RECK: variants seen among roughly 807,000 people sequenced by gnomAD.
The protein encoded by RECK is reversion-inducing cysteine-rich protein with Kazal motifs.
In RECK, 69 loss-of-function variants were observed where a neutral mutation model predicts 115.1. The observed-to-expected ratio is 0.60, with a 90% CI of 0.49 to 0.73. RECK has a LOEUF of 0.73. Among genes scored for constraint, RECK ranks in the 30% least tolerant of loss-of-function variants. The pLI, the probability that RECK is intolerant of heterozygous loss-of-function variation, is 0.00. For synonymous variants in RECK, 414 were observed against 419.7 expected (o/e 0.99, Z 0.17); for missense variants, 1,047 against 1,203.7 (o/e 0.87, Z 1.93).
At chr9:36,104,292 G>GTGCACA (rs34438663) in intron 12 of RECK, among the ~76,000 whole-genome samples, 1 of 43,884 alleles carries the variant, frequency 2.3e-5, no homozygotes, top group South Asian at 1.0e-3. Context: ...GTGTGTGTGT[G>GTGCACA]TATATATATA....
intron 4 of RECK, among the ~76,000 whole-genome samples, chr9:36,060,651 G>A (rs1354016049): frequency 6.6e-6 from 1 of 151,180 alleles, no homozygotes; most frequent in African/African-American, 2.4e-5. Flanking sequence ...ATTCTGCCTT[G>A]CCTTTTTTTT....
chr9:36,046,438 T>G (rs1821075743), intron 1 of RECK, among the ~76,000 whole-genome samples: 2 of 152,230 alleles, frequency 1.3e-5, no homozygotes, highest in Admixed American at 1.3e-4. Context: ...ACGTTAAAGA[T>G]TCTAATAAGC....
chr9:36,087,659 C>T (rs764351154), intron 8 of RECK, 35 bp from the exon 9 acceptor site: 2 of 1,587,222 alleles, frequency 1.3e-6, no homozygotes, highest in Non-Finnish European at 8.6e-7. Flanking sequence ...ACAAAAAAAA[C>T]AGCTAATTAA....
chr9:36,054,155 G>A (rs1821422271), intron 2 of RECK, among the ~76,000 whole-genome samples: 1 of 152,202 alleles, frequency 6.6e-6, no homozygotes, highest in Admixed American at 6.5e-5. Context: ...TGCTGTGAGT[G>A]AGGAATCATT....
In RECK at chr9:36,123,714, G is replaced by A. The variant is rs1824543440; in HGVS notation, c.*669G>A. Reference sequence around the variant, plus strand: ...ACAGGCTCACTGGTCACGGATTTGTGTCTGTGACTTTTGTGAAAGGGAGAA... The same window carrying A: ...ACAGGCTCACTGGTCACGGATTTGTATCTGTGACTTTTGTGAAAGGGAGAA... On this transcript the variant is annotated 3_prime_UTR_variant, in exon 21 of 21. Coordinates refer to ENST00000377966, the MANE Select transcript of RECK (RefSeq NM_021111.3). 1 of 152,174 alleles carries A rather than the reference G, an allele frequency of 6.6e-6. No individual in the cohort carries two copies. Among genetic ancestry groups the A allele is most frequent in the Admixed American group, 6.5e-5 (1 of 15,280 alleles). The allele number at this position is 152,174 out of a possible 1,614,324, so 9.4% of individuals were successfully genotyped here.
intron 18 of RECK, 78 bp from the exon 19 acceptor site, chr9:36,120,585 G>T: frequency 8.4e-7 from 1 of 1,187,762 alleles, no homozygotes; most frequent in Non-Finnish European, 1.2e-6. Flanking sequence ...AAAATGAAGG[G>T]CTGGACATTT....
chr9:36,083,218 A>G (rs1352466580), intron 7 of RECK, 147 bp from the exon 8 acceptor site: 6 of 756,422 alleles, frequency 7.9e-6, no homozygotes, highest in Non-Finnish European at 4.3e-6. Flanking sequence ...GTATACCTAC[A>G]GAAGTGCCGA....
At chr9:36,060,878 A>G (rs1312227778) in intron 4 of RECK, among the ~76,000 whole-genome samples, 1 of 152,146 alleles carries the variant, frequency 6.6e-6, no homozygotes, top group Non-Finnish European at 1.5e-5. Flanking sequence ...TCTGAAGCAC[A>G]AATCCAAAAT....
At chr9:36,069,480 C>CAAAA (rs60192603) in intron 6 of RECK, among the ~76,000 whole-genome samples, 9 of 84,898 alleles carry the variant, frequency 1.1e-4, no homozygotes, top group East Asian at 2.6e-4. Flanking sequence ...GTGGAGGTTG[C>CAAAA]AAAAAAAAAA....
chr9:36,107,105 CAAAA>C (rs34425685), intron 13 of RECK, among the ~76,000 whole-genome samples: 21 of 82,440 alleles, frequency 2.5e-4, no homozygotes, highest in Non-Finnish European at 2.6e-4. Context: ...GACTCCGTCT[CAAAA>C]AAAAAAAAAA....
At chr9:36,043,778 C>T (rs1035623733) in intron 1 of RECK, among the ~76,000 whole-genome samples, 5 of 152,014 alleles carry the variant, frequency 3.3e-5, no homozygotes, top group Non-Finnish European at 7.4e-5. Context: ...AGTAGGATGC[C>T]CTTTCCCCAC....
intron 20 of RECK, among the ~76,000 whole-genome samples, chr9:36,122,320 A>T (rs987520222): frequency 6.6e-6 from 1 of 152,232 alleles, no homozygotes; most frequent in Non-Finnish European, 1.5e-5. Flanking sequence ...GGACATTAAA[A>T]TTGTATTCTG....
intron 12 of RECK, among the ~76,000 whole-genome samples, chr9:36,104,324 ATAT>A (rs1823707814): frequency 2.0e-5 from 1 of 50,214 alleles, no homozygotes; most frequent in African/African-American, 1.4e-4. Flanking sequence ...ATATATATAT[ATAT>A]TTTTTTTTTT....
At chr9:36,118,643 T>C (rs1304886428) in intron 17 of RECK, 114 bp from the exon 18 acceptor site, 1 of 1,020,798 alleles carries the variant, frequency 9.8e-7, no homozygotes, top group African/African-American at 1.6e-5. Context: ...GTCCTCATAA[T>C]TTATACCTGT....
rs746838662 is a variant in RECK at position 36,083,390 on chromosome 9, A to C, written c.465A>C (p.Ala155=). The C allele has an allele frequency of 7.4e-6, 12 of 1,613,994 alleles. No homozygotes were observed. Among genetic ancestry groups the C allele is most frequent in the Non-Finnish European group, 8.5e-6 (10 of 1,179,932 alleles). ...TGGGCTCGGTTTGTTGCAGTTATGC[A>C]GGTCATCACACAAACTGCCGAGAAT... ...NEMGSVCCSY[A]GHHTNCREYC... Residue 155 remains alanine, a synonymous_variant, in exon 8 of 21, where the codon GCA becomes GCC. Coordinates refer to ENST00000377966, the MANE Select transcript of RECK (RefSeq NM_021111.3).
At chr9:36,095,743 C>G (rs1282083799) in intron 10 of RECK, among the ~76,000 whole-genome samples, 1 of 151,854 alleles carries the variant, frequency 6.6e-6, no homozygotes, top group Non-Finnish European at 1.5e-5. Context: ...TTGAGACCAG[C>G]CTGGGCAACA....
chr9:36,122,986 T>TC lies in RECK; in HGVS notation c.2860dup (p.Leu954ProfsTer18). 6.2e-7 allele frequency: 1 copy of TC among 1,614,064 alleles called. No individual in the cohort carries two copies. The highest frequency in any genetic ancestry group is 8.5e-7 in the Non-Finnish European group (1 of 1,180,012). On this transcript the variant is annotated frameshift_variant, in exon 21 of 21. Transcript: ENST00000377966. LOFTEE classifies it high-confidence loss of function. ...TGTCAGGGCCAGGCCTTCTTGCCAC[T>TC]CCCTCCTCCTTCCCCTCAGCTTGGG... is the stretch of plus-strand genomic sequence containing the variant.
intron 10 of RECK, among the ~76,000 whole-genome samples, chr9:36,091,606 T>C (rs1823157371): frequency 6.6e-6 from 1 of 152,244 alleles, no homozygotes; most frequent in Non-Finnish European, 1.5e-5. Context: ...CCTTCTACTG[T>C]ACCACCAGTG....
intron 2 of RECK, among the ~76,000 whole-genome samples, chr9:36,056,182 C>T (rs1473302569): frequency 6.6e-6 from 1 of 151,928 alleles, no homozygotes; most frequent in East Asian, 1.9e-4. Flanking sequence ...GCAGCAAAAT[C>T]TCAATTGTCA....
Sources: gnomAD v4.1 joint callset for allele counts (sites outside exome capture counted in the v4.1 genomes callset) on GRCh38, gnomAD v4.1.1 for gene constraint, MANE v1.5 for transcripts, NCBI Gene and HGNC (gene_info 2026-07-23, HGNC 2026-07-21) for gene names.